MTBP: variants seen among roughly 807,000 people sequenced by gnomAD.
MTBP encodes the protein MDM2 binding protein.
Under a neutral mutation model 117.0 loss-of-function variants are expected in MTBP, and 101 were observed. That is an observed-to-expected ratio of 0.86 (90% CI 0.73 to 1.02). The LOEUF is 1.02. Ranked by LOEUF, MTBP falls within the 50% of genes least tolerant of loss-of-function variation. The probability of loss-of-function intolerance (pLI) is 0.00; values close to 1 mark genes in which losing one functional copy is unlikely to be tolerated. For synonymous variants in MTBP, 350 were observed against 351.5 expected, an observed-to-expected ratio of 1.00 and a Z score of 0.05; for missense variants, 970 against 1,030.9, an observed-to-expected ratio of 0.94 and a Z score of 0.81.
At chr8:120,484,163 G>GAT (rs924180558) in intron 11 of MTBP, among the ~76,000 whole-genome samples, 22 of 152,006 alleles carry the variant, frequency 1.4e-4, no homozygotes, top group African/African-American at 5.1e-4. Flanking sequence ...ATAGATTGAA[G>GAT]ATATATATAT....
At chr8:120,506,608 A>G (rs1459775607) in intron 15 of MTBP, 98 bp from the exon 16 acceptor site, 1 of 940,272 alleles carries the variant, frequency 1.1e-6, no homozygotes, top group Non-Finnish European at 1.5e-6. Flanking sequence ...TTCTGCTCAC[A>G]TCTTCTTTTC....
intron 1 of MTBP, among the ~76,000 whole-genome samples, chr8:120,446,217 T>G (rs7001242): frequency 0.025 from 3,743 of 152,332 alleles, 69 homozygotes; most frequent in Middle Eastern, 0.058. Flanking sequence ...GAATTTTGCA[T>G]TCGTGCTAAC....
intron 7 of MTBP, among the ~76,000 whole-genome samples, chr8:120,456,958 G>A (rs1036733177): frequency 1.3e-5 from 2 of 152,084 alleles, no homozygotes; most frequent in Non-Finnish European, 2.9e-5. Flanking sequence ...TTATATTCAA[G>A]TGCTGTTTCC....
intron 11 of MTBP, among the ~76,000 whole-genome samples, chr8:120,486,488 A>G (rs984266911): frequency 6.6e-5 from 10 of 152,042 alleles, no homozygotes; most frequent in African/African-American, 2.4e-4. Flanking sequence ...CAGCTTTCCT[A>G]TCCTGGGGTA....
chr8:120,500,437 G>A (rs1335665888), intron 14 of MTBP, among the ~76,000 whole-genome samples: 1 of 152,042 alleles, frequency 6.6e-6, no homozygotes, highest in Non-Finnish European at 1.5e-5. Flanking sequence ...AATGTTTACT[G>A]TTATTTAAGA....
intron 8 of MTBP, among the ~76,000 whole-genome samples, chr8:120,460,606 G>A (rs982875718): frequency 1.3e-5 from 2 of 152,044 alleles, no homozygotes; most frequent in Admixed American, 6.6e-5. Flanking sequence ...ATACAGTACC[G>A]AAATTTTATT....
rs1391105179 is a variant in MTBP at position 120,510,011 on chromosome 8, G to A, written c.1961G>A (p.Cys654Tyr). 6.2e-7 allele frequency: 1 copy of A among 1,610,064 alleles called. No individual in the cohort carries two copies. The highest frequency in any genetic ancestry group is 1.7e-5 in the Admixed American group (1 of 59,930). The change falls in exon 17 of 22, where the codon TGT (cysteine) becomes TAT (tyrosine). Residue 654 changes from cysteine to tyrosine, a missense_variant. Physicochemically the swap from Cys to Tyr is radical, Grantham distance 194. Transcript: ENST00000305949. ...QVLPFEKASVCHYHGIEYCLD... is the reference protein window; with the variant it reads ...QVLPFEKASVYHYHGIEYCLD... ...TTACCTTTTGAGAAAGCCTCAGTAT[G>A]TCATTATCATGGAATTGAGTAAGTT... is the stretch of plus-strand genomic sequence containing the variant.
chr8:120,522,765 T>C, intron 21 of MTBP, 46 bp downstream of exon 21: 1 of 1,463,748 alleles, frequency 6.8e-7, no homozygotes, highest in Non-Finnish European at 9.4e-7. Context: ...AAATTGGTAT[T>C]TTATTTCAGG....
chr8:120,446,428 T>C lies in MTBP; in HGVS notation c.119-5T>C, dbSNP rs748182667. 6.3e-7 allele frequency: 1 copy of C among 1,594,004 alleles called. No homozygotes were observed. Among genetic ancestry groups the C allele is most frequent in the Non-Finnish European group, 8.6e-7 (1 of 1,162,094 alleles). ...CTTTGAGTTAGTCTATCTTTTCTTT[T>C]TCAGACTTCACAGCAGCAAATGTTT... On this transcript the variant is annotated splice_polypyrimidine_tract_variant and splice_region_variant and intron_variant, in intron 1 of 21. Transcript: ENST00000305949.
chr8:120,456,498 T>G, intron 6 of MTBP, 55 bp from the exon 7 acceptor site: 1 of 1,110,898 alleles, frequency 9.0e-7, no homozygotes. Context: ...CTATAATGAT[T>G]AAATCAGTGA....
chr8:120,489,436 C>T (rs1014529519), intron 12 of MTBP, among the ~76,000 whole-genome samples: 3 of 152,276 alleles, frequency 2.0e-5, no homozygotes, highest in South Asian at 4.1e-4. Context: ...GTCACGTTTA[C>T]GTTACATTAT....
intron 10 of MTBP, among the ~76,000 whole-genome samples, chr8:120,468,836 C>A (rs530550154): frequency 9.9e-5 from 15 of 152,026 alleles, no homozygotes; most frequent in African/African-American, 2.9e-4. Flanking sequence ...TTTTTTAGTG[C>A]AAGTTTGGCT....
chr8:120,522,382 G>A (rs1331864534), intron 20 of MTBP, among the ~76,000 whole-genome samples: 1 of 152,044 alleles, frequency 6.6e-6, no homozygotes, highest in Non-Finnish European at 1.5e-5. Flanking sequence ...GAGGGTGGAA[G>A]TTATTTTAGG....
chr8:120,486,628 C>T (rs546898795), intron 11 of MTBP, among the ~76,000 whole-genome samples: 14 of 152,260 alleles, frequency 9.2e-5, no homozygotes, highest in African/African-American at 2.9e-4. Flanking sequence ...CTGCTCCTTC[C>T]CATGAGATGC....
At chr8:120,507,694 G>A (rs1586969299) in intron 16 of MTBP, among the ~76,000 whole-genome samples, 1 of 152,012 alleles carries the variant, frequency 6.6e-6, no homozygotes, top group African/African-American at 2.4e-5. Flanking sequence ...GAACATTATT[G>A]CTTTATGTGC....
At chr8:120,461,136 T>G (rs990152467) in intron 8 of MTBP, 25 bp from the exon 9 acceptor site, 2 of 1,449,066 alleles carry the variant, frequency 1.4e-6, no homozygotes, top group Non-Finnish European at 1.9e-6. Context: ...ATTTAAATAT[T>G]ACACAATTTT....
intron 11 of MTBP, chr8:120,472,509 A>G (rs1316097884): frequency 6.6e-6 from 1 of 152,280 alleles, no homozygotes; most frequent in Non-Finnish European, 1.5e-5. Context: ...TGATCTCACG[A>G]GAAGTCATTG....
At chr8:120,518,138 G>T in intron 19 of MTBP, 38 bp downstream of exon 19, 1 of 1,521,134 alleles carries the variant, frequency 6.6e-7, no homozygotes, top group Admixed American at 2.2e-5. Context: ...GTTCTACATA[G>T]GAAGACTTTT....
chr8:120,469,032 G>A (rs953977335), intron 10 of MTBP, among the ~76,000 whole-genome samples: 2 of 151,678 alleles, frequency 1.3e-5, no homozygotes, highest in African/African-American at 4.8e-5. Context: ...AGCTTTTGGG[G>A]GTTTATTTAT....
Sources: gnomAD v4.1 joint callset for allele counts (sites outside exome capture counted in the v4.1 genomes callset) on GRCh38, gnomAD v4.1.1 for gene constraint, MANE v1.5 for transcripts, NCBI Gene and HGNC (gene_info 2026-07-23, HGNC 2026-07-21) for gene names.